The following STXBP5L variants were observed in gnomAD, a reference collection of about 807,000 sequenced individuals.
STXBP5L encodes syntaxin-binding protein 5-like.
STXBP5L carries 65 observed loss-of-function variants against 144.5 expected under a neutral mutation model. The observed-to-expected ratio is 0.45, with a 90% CI of 0.37 to 0.55. STXBP5L has a LOEUF of 0.55. Among genes scored for constraint, STXBP5L ranks in the 20% least tolerant of loss-of-function variants. The probability of loss-of-function intolerance (pLI) is 0.00; values close to 1 mark genes in which losing one functional copy is unlikely to be tolerated. For synonymous variants in STXBP5L, 505 were observed against 469.6 expected, an observed-to-expected ratio of 1.08 and a Z score of -0.97; for missense variants, 1,298 against 1,405.5, an observed-to-expected ratio of 0.92 and a Z score of 1.22.
chr3:121,377,373 A>G (rs962079356), intron 20 of STXBP5L, among the ~76,000 whole-genome samples: 1 of 152,244 alleles, frequency 6.6e-6, no homozygotes, highest in Non-Finnish European at 1.5e-5. Flanking sequence ...GCACAGCAAA[A>G]GAAACTATTG....
intron 2 of STXBP5L, among the ~76,000 whole-genome samples, chr3:120,911,341 A>G (rs1341164257): frequency 1.3e-5 from 2 of 152,126 alleles, no homozygotes; most frequent in Admixed American, 1.3e-4. Context: ...GAAGTTAAAT[A>G]CATACTACTT....
intron 5 of STXBP5L, among the ~76,000 whole-genome samples, chr3:121,070,420 T>C (rs2041755599): frequency 6.6e-6 from 1 of 152,202 alleles, no homozygotes; most frequent in South Asian, 2.1e-4. Flanking sequence ...AGGCTGTTAG[T>C]ATTCCTTTTT....
At chr3:121,181,156 G>A (rs955280417) in intron 9 of STXBP5L, among the ~76,000 whole-genome samples, 1 of 148,260 alleles carries the variant, frequency 6.7e-6, no homozygotes, top group Non-Finnish European at 1.5e-5. Context: ...GGAGAAAAGA[G>A]GGGAGGGGGA....
intron 3 of STXBP5L, among the ~76,000 whole-genome samples, chr3:120,973,589 A>T (rs1158242196): frequency 6.6e-5 from 10 of 152,054 alleles, no homozygotes; most frequent in Admixed American, 2.0e-4. Flanking sequence ...CATGTGCACA[A>T]TGTGCAGGTT....
chr3:121,381,155 T>C (rs979076432), intron 21 of STXBP5L, 138 bp from the exon 22 acceptor site: 29 of 817,308 alleles, frequency 3.5e-5, no homozygotes, highest in Admixed American at 9.6e-5. Context: ...GTGAACTGGA[T>C]AAGCTCCCTC....
At chr3:121,327,037 G>A (rs1488059249) in intron 20 of STXBP5L, among the ~76,000 whole-genome samples, 1 of 152,066 alleles carries the variant, frequency 6.6e-6, no homozygotes, top group East Asian at 1.9e-4. Context: ...GATTTAACCT[G>A]TTCCTAAAAT....
At chr3:121,018,220 A>G (rs1299330929) in intron 3 of STXBP5L, among the ~76,000 whole-genome samples, 1 of 152,214 alleles carries the variant, frequency 6.6e-6, no homozygotes, top group Non-Finnish European at 1.5e-5. Context: ...ATAAGAGCAA[A>G]GTGATTCCAA....
chr3:121,066,362 GTA>G (rs35546907), intron 5 of STXBP5L, among the ~76,000 whole-genome samples: 36,473 of 145,900 alleles, frequency 0.25, 4,567 homozygotes, highest in African/African-American at 0.27. Flanking sequence ...TCCTATAAGC[GTA>G]TATATATATA....
chr3:121,158,553 GT>G (rs2046201346), intron 9 of STXBP5L: 1 of 152,094 alleles, frequency 6.6e-6, no homozygotes, highest in South Asian at 2.1e-4. Context: ...GGATGTAAAT[GT>G]TTTAGTCTTT....
At chr3:121,012,177 G>T (rs955103279) in intron 3 of STXBP5L, among the ~76,000 whole-genome samples, 29 of 151,704 alleles carry the variant, frequency 1.9e-4, no homozygotes, top group African/African-American at 6.8e-4. Flanking sequence ...CTATTTTATG[G>T]ATATACCACA....
At chr3:121,279,628 A>T (rs1192881845) in intron 18 of STXBP5L, among the ~76,000 whole-genome samples, 177 bp from the exon 19 acceptor site, 1 of 151,884 alleles carries the variant, frequency 6.6e-6, no homozygotes, top group South Asian at 2.1e-4. Flanking sequence ...TATGCCTATT[A>T]TACGAAGACA....
intron 11 of STXBP5L, among the ~76,000 whole-genome samples, chr3:121,229,038 C>A (rs2049216152): frequency 6.6e-6 from 1 of 152,152 alleles, no homozygotes; most frequent in Non-Finnish European, 1.5e-5. Flanking sequence ...TAATCACACC[C>A]AGAATTTCCT....
chr3:121,056,017 C>G (rs1487793964), intron 5 of STXBP5L, among the ~76,000 whole-genome samples: 1 of 151,944 alleles, frequency 6.6e-6, no homozygotes, highest in Non-Finnish European at 1.5e-5. Flanking sequence ...GTTGCCTAGG[C>G]TAGACTTGAA....
At chr3:120,975,452 A>G (rs372933727) in intron 3 of STXBP5L, among the ~76,000 whole-genome samples, 5 of 152,184 alleles carry the variant, frequency 3.3e-5, no homozygotes, top group East Asian at 1.9e-4. Flanking sequence ...GGCTGAGACA[A>G]TGGGGTTTTC....
chr3:121,169,002 C>T (rs573709921), intron 9 of STXBP5L, among the ~76,000 whole-genome samples: 8 of 152,224 alleles, frequency 5.3e-5, no homozygotes, highest in East Asian at 1.9e-4. Flanking sequence ...CTGCAGAAAT[C>T]CTACAAGCCA....
At chr3:120,999,102 G>C (rs1318401978) in intron 3 of STXBP5L, among the ~76,000 whole-genome samples, 1 of 152,072 alleles carries the variant, frequency 6.6e-6, no homozygotes, top group Non-Finnish European at 1.5e-5. Context: ...ACCCAGGCTG[G>C]AGTGCAGTGG....
intron 9 of STXBP5L, among the ~76,000 whole-genome samples, chr3:121,201,612 G>A (rs1336139511): frequency 1.3e-5 from 2 of 149,866 alleles, no homozygotes; most frequent in African/African-American, 4.9e-5. Flanking sequence ...AGTGTCATTG[G>A]TCTTTATATT....
intron 3 of STXBP5L, among the ~76,000 whole-genome samples, chr3:121,034,321 T>G (rs1281910925): frequency 6.6e-6 from 1 of 152,096 alleles, no homozygotes. Context: ...CAATGTCTAT[T>G]ATTTCACACT....
chr3:120,981,442 G>T (rs1941766428), intron 3 of STXBP5L, among the ~76,000 whole-genome samples: 1 of 151,850 alleles, frequency 6.6e-6, no homozygotes, highest in Non-Finnish European at 1.5e-5. Flanking sequence ...CTGTTTTCTA[G>T]CTCTGAAGTT....
Sources: allele counts gnomAD v4.1 joint callset (sites outside exome capture counted in the v4.1 genomes callset), GRCh38; gene constraint gnomAD v4.1.1; transcripts MANE v1.5; gene names NCBI Gene and HGNC (gene_info 2026-07-23, HGNC 2026-07-21).